Variants in RECQL5 observed in about 807,000 individuals in gnomAD.
RECQL5 encodes ATP-dependent DNA helicase Q5.
A neutral mutation model predicts 103.4 loss-of-function variants in RECQL5; 88 were observed. The observed-to-expected ratio is 0.85, with a 90% CI of 0.72 to 1.02. RECQL5 has a LOEUF of 1.02. RECQL5 is among the 50% of genes least tolerant of loss of function. RECQL5 has a pLI of 0.00. For synonymous variants in RECQL5, 552 were observed against 507.9 expected (o/e 1.09, Z -1.17); for missense variants, 1,232 against 1,284.3 (o/e 0.96, Z 0.62).
At chr17:75,655,370 CTT>C (rs1307138039) in intron 7 of RECQL5, among the ~76,000 whole-genome samples, 2 of 145,586 alleles carry the variant, frequency 1.4e-5, no homozygotes. Flanking sequence ...TGCGCCTGGC[CTT>C]TTTTTTTTTG....
chr17:75,651,007 G>A (rs1256977221), intron 8 of RECQL5, 179 bp downstream of exon 8: 1 of 1,514,578 alleles, frequency 6.6e-7, no homozygotes, highest in Non-Finnish European at 8.8e-7. Flanking sequence ...GAGATCCCGG[G>A]GCCTCCAATA....
Position 75,626,909 on chromosome 17 carries a change from C to T in RECQL5, c.*513G>A, listed in dbSNP as rs963641919. On this transcript the variant is annotated 3_prime_UTR_variant, in exon 20 of 20. Coordinates refer to ENST00000317905, the MANE Select transcript of RECQL5 (RefSeq NM_004259.7). ...ACAACTTTATTCCTCTCCCAAACATCTGTCAGGCCTGGCCTTCCTGAGCAG... is the reference window on the plus strand; with the variant it reads ...ACAACTTTATTCCTCTCCCAAACATTTGTCAGGCCTGGCCTTCCTGAGCAG... 3.4e-5 allele frequency: 12 copies of T among 353,164 alleles called. No homozygotes were observed. Among genetic ancestry groups the T allele is most frequent in the Non-Finnish European group, 6.0e-5 (11 of 182,422 alleles). 21.9% of individuals were successfully genotyped at this position (353,164 alleles called of 1,614,324 possible).
chr17:75,659,834 C>T (rs367646504), intron 6 of RECQL5, among the ~76,000 whole-genome samples: 1 of 152,188 alleles, frequency 6.6e-6, no homozygotes, highest in East Asian at 1.9e-4. Flanking sequence ...GGGCTTCAGG[C>T]TGTAGCCCAA....
intron 18 of RECQL5, 93 bp downstream of exon 18, chr17:75,628,125 T>C (rs2059136168): frequency 8.7e-7 from 1 of 1,146,636 alleles, no homozygotes; most frequent in South Asian, 1.3e-5. Flanking sequence ...CTAGGCCCAC[T>C]GTGTTCTGGG....
intron 1 of RECQL5, 23 bp from the exon 2 acceptor site, chr17:75,666,594 G>A (rs745439271): frequency 6.1e-5 from 97 of 1,598,466 alleles, no homozygotes; most frequent in Non-Finnish European, 8.2e-5. Flanking sequence ...TAAGGCAAAG[G>A]TAGTAAAAGG....
Position 75,640,683 on chromosome 17 carries a change from C to A in RECQL5, c.1230-9015G>T. 1 of 1,486,390 alleles carries A rather than the reference C, an allele frequency of 6.7e-7. No homozygotes were observed. The allele number at this position is 1,486,390 out of a possible 1,614,324, so 92.1% of individuals were successfully genotyped here. ...CCTCTCGGATCTTTCTGACCTCCAC[C>A]AAACCTGTGGGGGAAAGACCCTGGC... On this transcript the variant is annotated intron_variant, in intron 8 of 19. Transcript: ENST00000317905. The surrounding 1 kb of genome is among the most constrained non-coding windows in gnomAD (Gnocchi z 4.6).
chr17:75,627,071 G>A lies in RECQL5; in HGVS notation c.*351C>T. The stretch of plus-strand genomic sequence containing the variant: ...TCCCCTGGGTAGGTTCCGATACCTT[G>A]GACAGGTGGGCCTCATCCTGACTTA... On this transcript the variant is annotated 3_prime_UTR_variant, in exon 20 of 20. Coordinates refer to ENST00000317905, the MANE Select transcript of RECQL5 (RefSeq NM_004259.7). 1 of 459,326 alleles carries A rather than the reference G, an allele frequency of 2.2e-6. No individual in the cohort carries two copies. The highest frequency in any genetic ancestry group is 4.3e-6 in the Non-Finnish European group (1 of 232,842). The allele number at this position is 459,326 out of a possible 1,614,324, so 28.5% of individuals were successfully genotyped here.
At chr17:75,643,013 ACT>A (rs1312397991) in intron 8 of RECQL5, among the ~76,000 whole-genome samples, 1 of 152,026 alleles carries the variant, frequency 6.6e-6, no homozygotes, top group African/African-American at 2.4e-5. Context: ...CACACCCCAA[ACT>A]CTGTCTCAAA....
chr17:75,629,008 T>C lies in RECQL5; in HGVS notation c.2415A>G (p.Thr805=). 1 of 1,572,976 alleles carries C rather than the reference T, an allele frequency of 6.4e-7. No homozygotes were observed. The highest frequency in any genetic ancestry group is 8.6e-7 in the Non-Finnish European group (1 of 1,161,510). The change falls in exon 16 of 20, where the codon ACA becomes ACG. Residue 805 remains threonine, a synonymous_variant. Coordinates refer to ENST00000317905, the MANE Select transcript of RECQL5 (RefSeq NM_004259.7). ...GTCCCCCGGCTCCATCTTCCTCCCC[T>C]GTGTACTTCTCTGGGGCCATCGGGG... The part of the protein sequence containing the change: ...QGPPMAPEKY[T]GEEDGAGGHS...
intron 11 of RECQL5, 44 bp downstream of exon 11, chr17:75,630,930 C>G (rs2059201014): frequency 6.2e-7 from 1 of 1,608,368 alleles, no homozygotes; most frequent in Admixed American, 1.7e-5. Context: ...CCCTCCATGC[C>G]CCGGGAAGAG....
At position 75,629,485 on chromosome 17, in the gene RECQL5, T is replaced by C. The variant is rs2059165610; in HGVS notation, c.1948-10A>G. The C allele has an allele frequency of 2.7e-6, 4 of 1,500,816 alleles. No homozygotes were observed. In the African/African-American group the frequency reaches 4.2e-5, roughly 16 times the overall value. The allele number at this position is 1,500,816 out of a possible 1,614,324, so 93.0% of individuals were successfully genotyped here. ...CCCGCTTGGGTTTGAGCTGTAAATG[T>C]GAGCAGGAGGAGAGGAGGTTCAGCC... On this transcript the variant is annotated splice_polypyrimidine_tract_variant and intron_variant, in intron 15 of 19. Transcript: ENST00000317905.
chr17:75,640,404 G>A lies in RECQL5; in HGVS notation c.1230-8736C>T. The stretch of plus-strand genomic sequence containing the variant: ...ACCACACCATGGTGCCAGCCAGAGG[G>A]CTGGCAGAGGTGGCGGGTGTCTGCC... On this transcript the variant is annotated intron_variant, in intron 8 of 19. Coordinates refer to ENST00000317905, the MANE Select transcript of RECQL5 (RefSeq NM_004259.7). The surrounding 1 kb of genome is among the most constrained non-coding windows in gnomAD (Gnocchi z 4.6). 1.4e-6 allele frequency: 2 copies of A among 1,455,820 alleles called. No homozygotes were observed. The highest frequency in any genetic ancestry group is 1.4e-5 in the South Asian group (1 of 69,276). The allele number at this position is 1,455,820 out of a possible 1,614,324, so 90.2% of individuals were successfully genotyped here.
intron 8 of RECQL5, chr17:75,649,688 T>A: frequency 1.0e-6 from 1 of 985,506 alleles, no homozygotes; most frequent in African/African-American, 1.7e-5. Flanking sequence ...AAACATTCAC[T>A]TATTCAAAGA....
intron 8 of RECQL5, among the ~76,000 whole-genome samples, chr17:75,632,554 G>A (rs757362504): frequency 4.6e-5 from 7 of 152,232 alleles, no homozygotes; most frequent in East Asian, 1.9e-4. Context: ...ACGCAGCCTC[G>A]CCTGGAGTCC....
At chr17:75,660,225 C>G (rs1255849609) in intron 6 of RECQL5, among the ~76,000 whole-genome samples, 1 of 152,130 alleles carries the variant, frequency 6.6e-6, no homozygotes, top group Non-Finnish European at 1.5e-5. Context: ...CACCACCACA[C>G]CTGGCTAATT....
At chr17:75,641,655 T>C (rs2059436898) in intron 8 of RECQL5, among the ~76,000 whole-genome samples, 1 of 152,252 alleles carries the variant, frequency 6.6e-6, no homozygotes, top group Admixed American at 6.5e-5. Context: ...TGGCAGAGAC[T>C]GTGTTTGCCC....
In RECQL5 at chr17:75,636,861, C is replaced by A. The variant is rs573116656; in HGVS notation, c.1230-5193G>T. ...ACTGTGTGACAGGATACCGTGAGTACCCCTGGGTCAGACCCTGGGGCTGGG... is the reference window on the plus strand; with the variant it reads ...ACTGTGTGACAGGATACCGTGAGTAACCCTGGGTCAGACCCTGGGGCTGGG... On this transcript the variant is annotated intron_variant, in intron 8 of 19. Transcript: ENST00000317905. This position sits in a 1 kb window ranked among gnomAD's most constrained non-coding sequence, Gnocchi z 5.4. 1 of 152,370 alleles carries A rather than the reference C, an allele frequency of 6.6e-6. No individual in the cohort carries two copies. The highest frequency in any genetic ancestry group is 1.9e-4 in the East Asian group (1 of 5,192). The allele number at this position is 152,370 out of a possible 1,614,324, so 9.4% of individuals were successfully genotyped here.
chr17:75,646,946 C>T (rs2059495711), intron 8 of RECQL5, among the ~76,000 whole-genome samples: 2 of 152,216 alleles, frequency 1.3e-5, no homozygotes, highest in Non-Finnish European at 2.9e-5. Flanking sequence ...TCCTCGGCTC[C>T]TATACGCTCT....
At chr17:75,666,922 C>A (rs1229179248) in intron 1 of RECQL5, 122 bp downstream of exon 1, 4 of 268,536 alleles carry the variant, frequency 1.5e-5, no homozygotes, top group Non-Finnish European at 2.9e-5. Flanking sequence ...TCTATAAGCG[C>A]AACCACGACG....
Sources: allele counts gnomAD v4.1 joint callset (sites outside exome capture counted in the v4.1 genomes callset), GRCh38; gene constraint gnomAD v4.1.1; non-coding constraint Gnocchi (gnomAD v3.1); transcripts MANE v1.5; gene names NCBI Gene and HGNC (gene_info 2026-07-23, HGNC 2026-07-21).